DGKZ: variants seen among roughly 807,000 people sequenced by gnomAD.
The protein encoded by DGKZ is DAG kinase zeta.
DGKZ carries 45 observed loss-of-function variants against 142.5 expected under a neutral mutation model. The ratio of observed to expected loss-of-function variants is 0.32; its 90% CI spans 0.25 to 0.40. The LOEUF (loss-of-function observed/expected upper bound fraction) is 0.40. Ranked by LOEUF, DGKZ falls within the 10% of genes least tolerant of loss-of-function variation. DGKZ has a pLI of 1.00. For synonymous variants in DGKZ, 442 were observed against 527.0 expected (o/e 0.84, Z 2.21); for missense variants, 755 against 1,306.5 (o/e 0.58, Z 6.51).
intron 8 of DGKZ, 42 bp downstream of exon 8, chr11:46,371,645 G>T: frequency 1.2e-6 from 2 of 1,613,732 alleles, no homozygotes; most frequent in African/African-American, 1.3e-5. Context: ...ACGCACTTGG[G>T]GTCTGCCAGC....
chr11:46,360,897 A>G (rs901994), intron 1 of DGKZ, among the ~76,000 whole-genome samples: 3,324 of 152,250 alleles, frequency 0.022, 118 homozygotes, highest in African/African-American at 0.07. Context: ...GTGGCATTCC[A>G]GTCAGGATAC....
At chr11:46,377,339 A>C in intron 25 of DGKZ, 127 bp downstream of exon 25, 1 of 1,417,142 alleles carries the variant, frequency 7.1e-7, no homozygotes, top group Non-Finnish European at 9.3e-7. Context: ...AACCTGGCCA[A>C]AGCCCACCTG....
chr11:46,337,281 T>A (rs1283316253), intron 1 of DGKZ, among the ~76,000 whole-genome samples: 8 of 143,438 alleles, frequency 5.6e-5, no homozygotes, highest in Non-Finnish European at 1.1e-4. Context: ...TCTTTTTAAA[T>A]GGGTTCTTTT....
At position 46,366,172 on chromosome 11, in the gene DGKZ, A is replaced by G; in HGVS notation, c.162-1119A>G. The G allele has an allele frequency of 1.4e-5, 20 of 1,422,866 alleles. No individual in the cohort carries two copies. In the South Asian group the frequency reaches 2.7e-4, roughly 19 times the overall value. The allele number at this position is 1,422,866 out of a possible 1,614,324, so 88.1% of individuals were successfully genotyped here. On this transcript the variant is annotated intron_variant, in intron 1 of 30. Transcript: ENST00000527911. ...CCTTCTCATGGGGCAGAGGCTGTGA[A>G]TGGGCTCCCGGACACAGGACAGACC...
At chr11:46,345,882 G>A (rs1274045914), upstream of DGKZ, among the ~76,000 whole-genome samples, 2 of 152,192 alleles carry the variant, frequency 1.3e-5, no homozygotes, top group South Asian at 2.1e-4. This position sits in a 1 kb window ranked among gnomAD's most constrained non-coding sequence, Gnocchi z 4.1. Context: ...TGACCCAGCT[G>A]CAAGGCCTTG....
chr11:46,363,654 A>G (rs1176041064), intron 1 of DGKZ, among the ~76,000 whole-genome samples: 1 of 152,194 alleles, frequency 6.6e-6, no homozygotes, highest in African/African-American at 2.4e-5. Context: ...CCACGGGTGC[A>G]GCGGCACCTC....
At chr11:46,350,085 G>C (rs1461307412) in intron 1 of DGKZ, among the ~76,000 whole-genome samples, 1 of 152,212 alleles carries the variant, frequency 6.6e-6, no homozygotes, top group Admixed American at 6.5e-5. Flanking sequence ...CTGGAAGCAT[G>C]TAAGGAGTGT....
chr11:46,333,454 G>A, exon 1 of DGKZ: 1 of 1,536,160 alleles, frequency 6.5e-7, no homozygotes. Flanking sequence ...GAGCGTTTCC[G>A]CCAGCTGCAC....
chr11:46,365,550 C>G (rs886157217), intron 1 of DGKZ: 2 of 985,322 alleles, frequency 2.0e-6, no homozygotes, highest in African/African-American at 3.5e-5. Context: ...AGTGACTCTC[C>G]AGTTCCCTGA....
chr11:46,348,585 C>T (rs1458212005), intron 1 of DGKZ, among the ~76,000 whole-genome samples: 3 of 152,172 alleles, frequency 2.0e-5, no homozygotes, highest in Admixed American at 6.5e-5. Context: ...CATCTTGCCC[C>T]CTCCCCCAGC....
intron 1 of DGKZ, chr11:46,366,887 A>G (rs1398225366): frequency 6.5e-7 from 1 of 1,549,208 alleles, no homozygotes; most frequent in South Asian, 1.2e-5. Flanking sequence ...CACCGCCGGC[A>G]CCATGCTGCC....
At chr11:46,365,088 A>G in intron 1 of DGKZ, 1 of 985,400 alleles carries the variant, frequency 1.0e-6, no homozygotes, top group Non-Finnish European at 1.2e-6. Context: ...GAAGAAGGGT[A>G]GGCAGGGCTG....
At chr11:46,378,169 C>G in intron 25 of DGKZ, 29 bp from the exon 26 acceptor site, 1 of 1,604,756 alleles carries the variant, frequency 6.2e-7, no homozygotes, top group Non-Finnish European at 8.5e-7. Context: ...GTGCCGTAGC[C>G]GGTCACAGCA....
At chr11:46,371,259 T>G in intron 6 of DGKZ, 54 bp from the exon 7 acceptor site, 1 of 1,553,010 alleles carries the variant, frequency 6.4e-7, no homozygotes, top group Non-Finnish European at 8.9e-7. Context: ...GGAGAGGGGC[T>G]GGGTCTGCTG....
chr11:46,367,243 G>A lies in DGKZ; in HGVS notation c.162-48G>A. 1 of 1,533,498 alleles carries A rather than the reference G, an allele frequency of 6.5e-7. No individual in the cohort carries two copies. Among genetic ancestry groups the A allele is most frequent in the Admixed American group, 1.8e-5 (1 of 56,744 alleles). The allele number at this position is 1,533,498 out of a possible 1,614,324, so 95.0% of individuals were successfully genotyped here. On this transcript the variant is annotated intron_variant, in intron 1 of 30. Coordinates refer to ENST00000527911, the Ensembl canonical transcript of DGKZ. This position sits in a 1 kb window ranked among gnomAD's most constrained non-coding sequence, Gnocchi z 4.1. Reference sequence around the variant, plus strand: ...AGGCCCCAGGAGGTGGGAGGAAGTAGGGTCAGCAAGTGCTCAGCCCCCTCC... The same window carrying A: ...AGGCCCCAGGAGGTGGGAGGAAGTAAGGTCAGCAAGTGCTCAGCCCCCTCC...
chr11:46,364,662 C>G, intron 1 of DGKZ: 1 of 985,462 alleles, frequency 1.0e-6, no homozygotes, highest in Non-Finnish European at 1.2e-6. Flanking sequence ...TGCTCAAGAC[C>G]TGCAGGGCAG....
chr11:46,360,202 T>C (rs995920633), intron 1 of DGKZ, among the ~76,000 whole-genome samples: 1 of 152,216 alleles, frequency 6.6e-6, no homozygotes, highest in Non-Finnish European at 1.5e-5. Context: ...GATGCCACTC[T>C]TTTTGCTAAC....
rs1942046654 is a variant in DGKZ, at chr11:46,356,612, A to ATGCCACGTGG, written c.161+8803_161+8812dup. Among the ~76,000 whole-genome samples the ATGCCACGTGG allele has an allele frequency of 3.9e-5, 6 of 152,218 alleles. No homozygotes were observed. In the South Asian group the frequency reaches 1.2e-3, roughly 32 times the overall value. The stretch of plus-strand genomic sequence containing the variant: ...GTATTCCAGGTAGGGAGACCACCGG[A>ATGCCACGTGG]TGCCACGTGGTGCCACGTGGAAAAG... On this transcript the variant is annotated intron_variant, in intron 1 of 30. Transcript: ENST00000527911.
At chr11:46,346,340 G>A (rs535891786), upstream of DGKZ, among the ~76,000 whole-genome samples, 1 of 152,292 alleles carries the variant, frequency 6.6e-6, no homozygotes, top group East Asian at 1.9e-4. Flanking sequence ...CAGCAGGGTG[G>A]TAGGGTTTGG....
Sources: gnomAD v4.1 joint callset for allele counts (sites outside exome capture counted in the v4.1 genomes callset) on GRCh38, gnomAD v4.1.1 for gene constraint, Gnocchi (gnomAD v3.1) non-coding constraint, MANE v1.5 for transcripts, NCBI Gene and HGNC (gene_info 2026-07-23, HGNC 2026-07-21) for gene names.